ADGRL3: variants seen among roughly 807,000 people sequenced by gnomAD.
ADGRL3 encodes calcium-independent alpha-latrotoxin receptor 3.
Under a neutral mutation model 153.5 loss-of-function variants are expected in ADGRL3, and 62 were observed. The ratio of observed to expected loss-of-function variants is 0.40; its 90% CI spans 0.33 to 0.50. The LOEUF (loss-of-function observed/expected upper bound fraction) is 0.50. ADGRL3 is among the 20% of genes least tolerant of loss of function. The probability of loss-of-function intolerance (pLI) is 0.47; values close to 1 mark genes in which losing one functional copy is unlikely to be tolerated. For missense variants in ADGRL3, 1,641 were observed against 1,859.4 expected, an observed-to-expected ratio of 0.88 and a Z score of 2.16; for synonymous variants, 710 against 672.5, an observed-to-expected ratio of 1.06 and a Z score of -0.86.
chr4:61,720,407 A>G (rs2096220583), intron 6 of ADGRL3, among the ~76,000 whole-genome samples: 1 of 152,148 alleles, frequency 6.6e-6, no homozygotes, highest in African/African-American at 2.4e-5. Context: ...CTTTTTTAAG[A>G]TAAGTTATTC....
At chr4:61,768,366 G>A (rs972926365) in intron 8 of ADGRL3, among the ~76,000 whole-genome samples, 5 of 148,534 alleles carry the variant, frequency 3.4e-5, no homozygotes, top group Non-Finnish European at 7.4e-5. Flanking sequence ...TGGGTCTGTA[G>A]AAAAGGAAGA....
chr4:61,794,005 A>AC lies in ADGRL3; in HGVS notation c.1400-19802dup, dbSNP rs201705881. 8.0e-3 allele frequency among the ~76,000 whole-genome samples: 1,220 copies of AC among 152,294 alleles called. 14 individuals carry two copies. Among genetic ancestry groups the AC allele is most frequent in the African/African-American group, 0.028 (1,153 of 41,566 alleles). ...TAGAATAAATCTCTAATACATAATG[A>AC]CCAGTACATTGAATCATTGGAAATC... On this transcript the variant is annotated intron_variant, in intron 8 of 26. Transcript: ENST00000683033.
At chr4:61,914,434 A>G (rs1035253329) in intron 13 of ADGRL3, among the ~76,000 whole-genome samples, 1 of 152,120 alleles carries the variant, frequency 6.6e-6, no homozygotes, top group African/African-American at 2.4e-5. Flanking sequence ...GAATGACCCC[A>G]AGAAACAGAA....
intron 4 of ADGRL3, among the ~76,000 whole-genome samples, chr4:61,564,484 G>T (rs2098808730): frequency 6.6e-6 from 1 of 152,072 alleles, no homozygotes; most frequent in Admixed American, 6.6e-5. Context: ...CCAGGTTCAG[G>T]CTCATCTCAA....
chr4:61,275,380 A>G (rs770588357), intron 1 of ADGRL3, among the ~76,000 whole-genome samples: 1 of 152,156 alleles, frequency 6.6e-6, no homozygotes, highest in Non-Finnish European at 1.5e-5. Context: ...AATGATAGCT[A>G]AATCTCCTAG....
intron 1 of ADGRL3, among the ~76,000 whole-genome samples, chr4:61,336,027 A>G (rs1408674881): frequency 6.6e-6 from 1 of 152,180 alleles, no homozygotes; most frequent in African/African-American, 2.4e-5. Context: ...TAAAAAGAAA[A>G]TCAAGGAAGT....
At chr4:61,544,372 CT>C (rs1411200569) in intron 4 of ADGRL3, among the ~76,000 whole-genome samples, 1 of 152,184 alleles carries the variant, frequency 6.6e-6, no homozygotes, top group Non-Finnish European at 1.5e-5. Context: ...TGGACAACAC[CT>C]TCTATAAATT....
chr4:61,423,800 T>C (rs985901797), intron 2 of ADGRL3, among the ~76,000 whole-genome samples: 1 of 152,144 alleles, frequency 6.6e-6, no homozygotes, highest in African/African-American at 2.4e-5. Flanking sequence ...ACCAGGGCCA[T>C]GGTTAACCTG....
At position 62,076,568 on chromosome 4, in the gene ADGRL3, G is replaced by T. The variant is rs1747203158; in HGVS notation, c.*5660G>T. The stretch of plus-strand genomic sequence containing the variant: ...AAAGAATAATGAAGTCATTTGTAGT[G>T]ATAAAAATCTTATACACTACACCAA... On this transcript the variant is annotated 3_prime_UTR_variant, in exon 27 of 27. Transcript: ENST00000683033. 6.6e-6 allele frequency: 1 copy of T among 151,968 alleles called. No individual in the cohort carries two copies. Among genetic ancestry groups the T allele is most frequent in the Non-Finnish European group, 1.5e-5 (1 of 67,908 alleles). The allele number at this position is 151,968 out of a possible 1,614,324, so 9.4% of individuals were successfully genotyped here. A position where few individuals can be genotyped will look rare whatever the true frequency, so the allele number is the denominator to read the frequency against.
At chr4:61,493,255 C>T (rs943316033) in intron 2 of ADGRL3, among the ~76,000 whole-genome samples, 8 of 151,940 alleles carry the variant, frequency 5.3e-5, no homozygotes, top group Admixed American at 1.3e-4. Context: ...AATGTGAGAA[C>T]GTCACCCTCT....
intron 17 of ADGRL3, among the ~76,000 whole-genome samples, chr4:61,967,786 A>G (rs1052760927): frequency 1.3e-5 from 2 of 152,236 alleles, no homozygotes; most frequent in African/African-American, 4.8e-5. Flanking sequence ...TGTAAAGCAC[A>G]TAGTTTTACC....
chr4:61,706,063 GC>G (rs2095852394), intron 6 of ADGRL3, among the ~76,000 whole-genome samples: 1 of 152,138 alleles, frequency 6.6e-6, no homozygotes, highest in East Asian at 1.9e-4. Flanking sequence ...TGTTACTGAA[GC>G]TTTGAAGCCA....
chr4:61,731,902 A>G (rs1045809869), intron 7 of ADGRL3, among the ~76,000 whole-genome samples: 2 of 152,142 alleles, frequency 1.3e-5, no homozygotes, highest in South Asian at 2.1e-4. Flanking sequence ...AATCAAGTGA[A>G]TCAGATGATT....
Position 61,322,658 on chromosome 4 carries a change from T to G in ADGRL3, c.-239-60466T>G, listed in dbSNP as rs888549191. Reference sequence around the variant, plus strand: ...TGTTAGAGCTACAAAATGATCTCCTTTGACTCCATGTCTTACATTCAGGTC... The same window carrying G: ...TGTTAGAGCTACAAAATGATCTCCTGTGACTCCATGTCTTACATTCAGGTC... On this transcript the variant is annotated intron_variant, in intron 1 of 26. Coordinates refer to ENST00000683033, the MANE Select transcript of ADGRL3 (RefSeq NM_001387552.1). Among the ~76,000 whole-genome samples the G allele has an allele frequency of 2.0e-5, 3 of 152,202 alleles. No individual in the cohort carries two copies. The East Asian group carries it at 5.8e-4, about 29-fold the overall frequency.
intron 1 of ADGRL3, among the ~76,000 whole-genome samples, chr4:61,317,052 A>G (rs902445629): frequency 1.3e-5 from 2 of 152,208 alleles, no homozygotes; most frequent in African/African-American, 2.4e-5. Flanking sequence ...CTTTGCAAGT[A>G]TTTCTTTCAT....
chr4:61,253,370 A>G (rs2091642170), intron 1 of ADGRL3, among the ~76,000 whole-genome samples: 1 of 152,200 alleles, frequency 6.6e-6, no homozygotes, highest in Non-Finnish European at 1.5e-5. Flanking sequence ...GACATTCATT[A>G]CCAGACCCCT....
Position 62,071,196 on chromosome 4 carries a change from G to T in ADGRL3, c.*288G>T, listed in dbSNP as rs987300446. On this transcript the variant is annotated 3_prime_UTR_variant, in exon 27 of 27. Transcript: ENST00000683033. The stretch of plus-strand genomic sequence containing the variant: ...AGATATGAAGAAAATGGCACTCATT[G>T]TGGCCTTGTTGAATTATGTTGTGTA... 1 of 294,484 alleles carries T rather than the reference G, an allele frequency of 3.4e-6. No homozygotes were observed. Among genetic ancestry groups the T allele is most frequent in the Non-Finnish European group, 6.3e-6 (1 of 157,680 alleles). 18.2% of individuals were successfully genotyped at this position (294,484 alleles called of 1,614,324 possible). A position where few individuals can be genotyped will look rare whatever the true frequency, so the allele number is the denominator to read the frequency against.
chr4:61,546,301 A>C (rs568274673), intron 4 of ADGRL3, among the ~76,000 whole-genome samples: 1 of 152,228 alleles, frequency 6.6e-6, no homozygotes, highest in South Asian at 2.1e-4. Flanking sequence ...TTATATTACT[A>C]TATGTCTGTA....
chr4:61,354,598 G>GCA (rs1271438432), intron 1 of ADGRL3, among the ~76,000 whole-genome samples: 7 of 145,850 alleles, frequency 4.8e-5, no homozygotes, highest in African/African-American at 2.0e-4. Context: ...GTGTGTGTGT[G>GCA]TGCGCTTTAG....
Sources: gnomAD v4.1 joint callset for allele counts (sites outside exome capture counted in the v4.1 genomes callset) on GRCh38, gnomAD v4.1.1 for gene constraint, MANE v1.5 for transcripts, NCBI Gene and HGNC (gene_info 2026-07-23, HGNC 2026-07-21) for gene names.